ZNF7: variants seen among roughly 807,000 people sequenced by gnomAD.
The protein encoded by ZNF7 is C2-H2 type zinc finger protein.
A neutral mutation model predicts 12.0 loss-of-function variants in ZNF7; 10 were observed. That is an observed-to-expected ratio of 0.83 (90% CI 0.51 to 1.42). The LOEUF (loss-of-function observed/expected upper bound fraction) is 1.42. Ranked by LOEUF, ZNF7 falls within the 40% of genes most tolerant of loss-of-function variation. The pLI is 0.00. For missense variants in ZNF7, 854 were observed against 837.2 expected, an observed-to-expected ratio of 1.02 and a Z score of -0.25; for synonymous variants, 334 against 295.0, an observed-to-expected ratio of 1.13 and a Z score of -1.35.
At chr8:144,830,386 A>G (rs1828301748) in intron 3 of ZNF7, among the ~76,000 whole-genome samples, 1 of 152,096 alleles carries the variant, frequency 6.6e-6, no homozygotes, top group Non-Finnish European at 1.5e-5. Context: ...TTGAGTTTGC[A>G]TTTCTCTGAT....
intron 3 of ZNF7, chr8:144,836,517 T>G (rs1586807366): frequency 6.6e-6 from 1 of 152,286 alleles, no homozygotes; most frequent in Admixed American, 6.5e-5. Flanking sequence ...TTCTGTGGTA[T>G]GTTCTTTGGC....
chr8:144,830,055 A>C (rs1470116576), intron 3 of ZNF7: 2 of 157,398 alleles, frequency 1.3e-5, no homozygotes, highest in East Asian at 3.7e-4. Flanking sequence ...ACAGGCAGCC[A>C]CTGCGGTGCT....
intron 4 of ZNF7, among the ~76,000 whole-genome samples, chr8:144,839,470 C>G (rs188207971): frequency 6.6e-6 from 1 of 152,238 alleles, no homozygotes; most frequent in Non-Finnish European, 1.5e-5. Flanking sequence ...TAAAATGTCT[C>G]CAACATGGAC....
chr8:144,829,297 C>T, intron 2 of ZNF7, 181 bp from the exon 3 acceptor site: 32 of 1,536,404 alleles, frequency 2.1e-5, no homozygotes, highest in Non-Finnish European at 2.6e-5. Context: ...GTATGACCAC[C>T]ATGGACTGGG....
downstream of ZNF7, among the ~76,000 whole-genome samples, chr8:144,844,567 G>T (rs541540275): frequency 6.6e-6 from 1 of 151,950 alleles, no homozygotes; most frequent in East Asian, 1.9e-4. Context: ...AAAATTAGCC[G>T]GGCGTGGTGG....
At position 144,842,456 on chromosome 8, in the gene ZNF7, T is replaced by C; in HGVS notation, c.1349T>C (p.Phe450Ser). 3.1e-6 allele frequency: 5 copies of C among 1,614,058 alleles called. No homozygotes were observed. The highest frequency in any genetic ancestry group is 4.2e-6 in the Non-Finnish European group (5 of 1,180,030). The stretch of plus-strand genomic sequence containing the variant: ...AAATGCAACAAGTGTACAAAAGCCT[T>C]TGGTTGTAGTTCACGGCTTATTCGC... ...PYKCNKCTKA[F>S]GCSSRLIRHQ... The change falls in exon 5 of 5, where the codon TTT (phenylalanine) becomes TCT (serine). Residue 450 changes from phenylalanine (F) to serine (S), a missense_variant. Physicochemically the swap from Phe to Ser is radical, Grantham distance 155. Coordinates refer to ENST00000532777, the MANE Select transcript of ZNF7 (RefSeq NM_003416.4).
Position 144,829,421 on chromosome 8 carries a change from C to T in ZNF7, c.4-57C>T, listed in dbSNP as rs75052405. On this transcript the variant is annotated intron_variant, in intron 2 of 4. Transcript: ENST00000532777. ...CTGCCTGAGACATGTCATGAGGCAG[C>T]GCCAGAAGGGGGCTGGCACCCAGGG... The T allele has an allele frequency of 2.3e-4, 363 of 1,608,442 alleles. 1 individual carries two copies. The East Asian group carries it at 4.0e-3, about 18-fold the overall frequency.
At chr8:144,838,491 G>A (rs181319179) in intron 4 of ZNF7, 317 of 243,632 alleles carry the variant, frequency 1.3e-3, no homozygotes, top group Middle Eastern at 2.6e-3. Context: ...ATGGGTCTGC[G>A]TGCATCTCAG....
intron 4 of ZNF7, chr8:144,838,355 A>G: frequency 1.8e-6 from 1 of 561,724 alleles, no homozygotes; most frequent in Non-Finnish European, 3.2e-6. Flanking sequence ...ACTTCAGCCT[A>G]TCTTGGGGTC....
rs1830012042 is a variant in ZNF7 at position 144,842,141 on chromosome 8, A to G, written c.1034A>G (p.Gln345Arg). Residue 345 changes from glutamine (Q) to arginine (R), a missense_variant, in exon 5 of 5, where the codon CAG becomes CGG. Transcript: ENST00000532777. Reference protein sequence around the residue: ...GCRECGKAFSQQSQLVRHQRT... With the variant: ...GCRECGKAFSRQSQLVRHQRT... ...CGTGAGTGTGGGAAAGCCTTCAGCC[A>G]GCAGTCGCAGCTGGTTAGACACCAG... is the stretch of plus-strand genomic sequence containing the variant. 2 of 1,614,024 alleles carry G rather than the reference A, an allele frequency of 1.2e-6. No homozygotes were observed.
intron 4 of ZNF7, among the ~76,000 whole-genome samples, chr8:144,840,251 C>T (rs961894979): frequency 6.6e-6 from 1 of 152,200 alleles, no homozygotes; most frequent in African/African-American, 2.4e-5. Context: ...CCTCACAGGC[C>T]TTGAGCATCC....
intron 1 of ZNF7, 142 bp downstream of exon 1, chr8:144,827,751 G>T (rs1372644317): frequency 1.1e-6 from 1 of 908,372 alleles, no homozygotes; most frequent in Non-Finnish European, 1.3e-6. Flanking sequence ...GCTTTGCGGG[G>T]CCTTGAGCGC....
chr8:144,838,272 C>T, intron 4 of ZNF7: 1 of 602,354 alleles, frequency 1.7e-6, no homozygotes, highest in Non-Finnish European at 3.0e-6. Flanking sequence ...CCCCAGTGAC[C>T]TCATGGTGAC....
At chr8:144,844,770 CAA>C (rs1490711027), downstream of ZNF7, among the ~76,000 whole-genome samples, 1 of 106,198 alleles carries the variant, frequency 9.4e-6, no homozygotes, top group Non-Finnish European at 2.0e-5. Context: ...GGTTGGGAAA[CAA>C]ATATGGGGAG....
Position 144,831,727 on chromosome 8 carries a change from G to A in ZNF7, c.130+2123G>A, listed in dbSNP as rs1352541598. ...GAACCCTGGAGGCGGAGCTTGCAGCGAGCTGAGATCGCACCACTGCAATCC... is the reference window on the plus strand; with the variant it reads ...GAACCCTGGAGGCGGAGCTTGCAGCAAGCTGAGATCGCACCACTGCAATCC... On this transcript the variant is annotated intron_variant, in intron 3 of 4. Transcript: ENST00000532777. Among the ~76,000 whole-genome samples, 2 of 94,352 alleles carry A rather than the reference G, an allele frequency of 2.1e-5. 1 individual carries two copies. Among genetic ancestry groups the A allele is most frequent in the African/African-American group, 6.2e-5 (2 of 32,058 alleles). 61.9% of individuals were successfully genotyped at this position (94,352 alleles called of 152,430 possible).
intron 3 of ZNF7, chr8:144,836,971 A>G (rs114184312): frequency 0.026 from 4,093 of 154,640 alleles, 100 homozygotes; most frequent in Admixed American, 0.072. Flanking sequence ...GTTTGTGTCT[A>G]TTCATCGTTG....
intron 4 of ZNF7, 80 bp from the exon 5 acceptor site, chr8:144,841,275 G>A: frequency 7.0e-7 from 1 of 1,433,294 alleles, no homozygotes. Flanking sequence ...GGAGCCTTGA[G>A]CCCTGGCCCC....
intron 3 of ZNF7, chr8:144,835,576 G>A (rs1828899907): frequency 6.6e-6 from 1 of 152,106 alleles, no homozygotes; most frequent in Non-Finnish European, 1.5e-5. Flanking sequence ...TTCTCACTAA[G>A]TGGACCTTGA....
rs541718328 is a variant in ZNF7, at chr8:144,828,704, GTTATTTAAC to G, written c.-45-337_-45-329del. On this transcript the variant is annotated intron_variant, in intron 1 of 4. Coordinates refer to ENST00000532777, the MANE Select transcript of ZNF7 (RefSeq NM_003416.4). ...TGGTTGCAGTGTGCTTATTTGTGTGGTTATTTAACTCTTTCCTCCGCCAGACTGCTTCGT... is the reference window on the plus strand; with the variant it reads ...TGGTTGCAGTGTGCTTATTTGTGTGGTCTTTCCTCCGCCAGACTGCTTCGT... 688 of 307,964 alleles carry G rather than the reference GTTATTTAAC, an allele frequency of 2.2e-3. 6 individuals are homozygous for G. Among genetic ancestry groups the G allele is most frequent in the South Asian group, 2.5e-3 (62 of 24,874 alleles). 19.1% of individuals were successfully genotyped at this position (307,964 alleles called of 1,614,324 possible). A position where few individuals can be genotyped will look rare whatever the true frequency, so the allele number is the denominator to read the frequency against.
Sources: allele counts gnomAD v4.1 joint callset (sites outside exome capture counted in the v4.1 genomes callset), GRCh38; gene constraint gnomAD v4.1.1; transcripts MANE v1.5; gene names NCBI Gene and HGNC (gene_info 2026-07-23, HGNC 2026-07-21).